The following CDCP1 variants were observed in gnomAD, a reference collection of about 807,000 sequenced individuals.
CDCP1 encodes the protein CUB domain containing protein 1.
In CDCP1, 29 loss-of-function variants were observed where a neutral mutation model predicts 60.2. The ratio of observed to expected loss-of-function variants is 0.48; its 90% CI spans 0.36 to 0.66. The LOEUF (loss-of-function observed/expected upper bound fraction) is 0.66. Ranked by LOEUF, CDCP1 falls within the 30% of genes least tolerant of loss-of-function variation. The pLI, the probability that CDCP1 is intolerant of heterozygous loss-of-function variation, is 0.00. For missense variants in CDCP1, 876 were observed against 1,074.3 expected, an observed-to-expected ratio of 0.82 and a Z score of 2.58; for synonymous variants, 387 against 431.1, an observed-to-expected ratio of 0.90 and a Z score of 1.27.
chr3:45,095,363 A>G lies in CDCP1; in HGVS notation c.1230T>C (p.Asn410=), dbSNP rs1210505642. ...LCDDLTRLWM[N]VEKTISCTDH... The stretch of plus-strand genomic sequence containing the variant: ...GGGGCGTACTTATGGTTTTTTCCAC[A>G]TTCATCCACAGACGTGTCAGATCAT... The change falls in exon 5 of 9, where the codon AAT becomes AAC. Residue 410 remains asparagine (N), a synonymous_variant. Coordinates refer to ENST00000296129, the MANE Select transcript of CDCP1 (RefSeq NM_022842.5). 3 of 1,614,156 alleles carry G rather than the reference A, an allele frequency of 1.9e-6. No individual in the cohort carries two copies. The Admixed American group carries it at 5.0e-5, about 27-fold the overall frequency.
intron 8 of CDCP1, among the ~76,000 whole-genome samples, chr3:45,086,615 G>A (rs1173385285): frequency 6.6e-6 from 1 of 152,202 alleles, no homozygotes; most frequent in Non-Finnish European, 1.5e-5. Context: ...TATGAGCTGG[G>A]GAGAGGATAA....
At chr3:45,092,830 A>G (rs114183095) in intron 6 of CDCP1, among the ~76,000 whole-genome samples, 3,209 of 152,268 alleles carry the variant, frequency 0.021, 112 homozygotes, top group African/African-American at 0.074. Flanking sequence ...CTCTGGCTCC[A>G]GAGACTCGTC....
At chr3:45,113,735 G>A (rs4683046) in intron 2 of CDCP1, among the ~76,000 whole-genome samples, 144,131 of 152,298 alleles carry the variant, frequency 0.95, 68,450 homozygotes, top group East Asian at 0.98. Flanking sequence ...TGTTTGGTCA[G>A]CCCTTTCTTG....
chr3:45,089,167 G>T, intron 7 of CDCP1, 26 bp from the exon 8 acceptor site: 1 of 1,593,674 alleles, frequency 6.3e-7, no homozygotes, highest in Non-Finnish European at 8.6e-7. Context: ...TAAAGAGACA[G>T]ATGAAGAGGC....
chr3:45,116,756 G>A (rs1324478621), intron 2 of CDCP1, among the ~76,000 whole-genome samples: 1 of 150,280 alleles, frequency 6.7e-6, no homozygotes, highest in Non-Finnish European at 1.5e-5. Context: ...GTTCTCCCCT[G>A]TCTCGGGCAT....
chr3:45,096,976 T>C (rs577382703), intron 4 of CDCP1, among the ~76,000 whole-genome samples: 1 of 152,304 alleles, frequency 6.6e-6, no homozygotes, highest in East Asian at 1.9e-4. Context: ...GCTGGATTAT[T>C]GGTCATTTAG....
intron 1 of CDCP1, among the ~76,000 whole-genome samples, chr3:45,138,206 T>A (rs1024057205): frequency 3.9e-5 from 6 of 152,250 alleles, no homozygotes; most frequent in African/African-American, 1.2e-4. Flanking sequence ...GAACATTTTT[T>A]AAAAACTTGT....
At chr3:45,136,839 C>T (rs776899845) in intron 1 of CDCP1, among the ~76,000 whole-genome samples, 3 of 152,118 alleles carry the variant, frequency 2.0e-5, no homozygotes, top group Admixed American at 1.3e-4. Flanking sequence ...GGCAAAACTA[C>T]GGTGACAGAA....
At chr3:45,111,876 AAG>A (rs1698699515) in intron 3 of CDCP1, among the ~76,000 whole-genome samples, 1 of 152,210 alleles carries the variant, frequency 6.6e-6, no homozygotes, top group Non-Finnish European at 1.5e-5. Flanking sequence ...AAAAAGGACA[AAG>A]AGAATCACCC....
intron 1 of CDCP1, 35 bp downstream of exon 1, chr3:45,146,171 C>G: frequency 6.4e-7 from 1 of 1,555,786 alleles, no homozygotes; most frequent in Non-Finnish European, 8.7e-7. Context: ...TAGCTCACCA[C>G]TCCACGCCAT....
Position 45,146,315 on chromosome 3 carries a change from G to A in CDCP1, c.-28C>T, listed in dbSNP as rs1441554435. The A allele has an allele frequency of 1.3e-6, 2 of 1,537,902 alleles. No individual in the cohort carries two copies. Among genetic ancestry groups the A allele is most frequent in the Non-Finnish European group, 1.7e-6 (2 of 1,146,128 alleles). On this transcript the variant is annotated 5_prime_UTR_variant, in exon 1 of 9. Coordinates refer to ENST00000296129, the MANE Select transcript of CDCP1 (RefSeq NM_022842.5). ...CTCCGGGACGCCTCGGCCTCGGTGG[G>A]GAAAACGACGGTGGGGAGCGGCGGC...
intron 4 of CDCP1, among the ~76,000 whole-genome samples, chr3:45,107,620 A>G (rs1369883546): frequency 6.6e-6 from 1 of 152,130 alleles, no homozygotes; most frequent in Non-Finnish European, 1.5e-5. Context: ...TGTCCTCACA[A>G]CACCCCGATG....
chr3:45,145,391 T>C (rs1699361792), intron 1 of CDCP1, among the ~76,000 whole-genome samples: 1 of 152,214 alleles, frequency 6.6e-6, no homozygotes, highest in South Asian at 2.1e-4. Context: ...TACGTTCTAA[T>C]ACATCCAGGG....
chr3:45,108,354 G>A (rs1698607713), intron 4 of CDCP1, among the ~76,000 whole-genome samples: 1 of 152,128 alleles, frequency 6.6e-6, no homozygotes, highest in South Asian at 2.1e-4. Context: ...AAGTTAGAGG[G>A]CTTGACACTG....
rs746674945 is a variant in CDCP1, at chr3:45,112,228, G to C, written c.510C>G (p.Thr170=). The change falls in exon 3 of 9, where the codon ACC becomes ACG. Residue 170 remains threonine (T), a synonymous_variant. Coordinates refer to ENST00000296129, the MANE Select transcript of CDCP1 (RefSeq NM_022842.5). ...THSISGRIDA[T]VVRIGTFCSN... ...TGCAGAAGGTTCCGATCCTGACCAC[G>C]GTGGCATCGATTCGGCCGCTGATGG... is the stretch of plus-strand genomic sequence containing the variant. 11 of 1,614,050 alleles carry C rather than the reference G, an allele frequency of 6.8e-6. No homozygotes were observed. Among genetic ancestry groups the C allele is most frequent in the Non-Finnish European group, 8.5e-6 (10 of 1,180,034 alleles).
chr3:45,129,109 T>C (rs905270188), intron 1 of CDCP1, among the ~76,000 whole-genome samples: 1 of 152,260 alleles, frequency 6.6e-6, no homozygotes, highest in African/African-American at 2.4e-5. Flanking sequence ...ATCATTTTTC[T>C]AAAGTGGTGA....
chr3:45,095,714 C>T, intron 4 of CDCP1, 146 bp from the exon 5 acceptor site: 1 of 628,554 alleles, frequency 1.6e-6, no homozygotes, highest in Non-Finnish European at 2.8e-6. Context: ...ATTATTAAGG[C>T]AACATTACAA....
chr3:45,111,474 G>A (rs1221977101), intron 3 of CDCP1, among the ~76,000 whole-genome samples: 2 of 152,116 alleles, frequency 1.3e-5, no homozygotes, highest in African/African-American at 2.4e-5. Context: ...TCAGGAGTTC[G>A]AGACCAGCCT....
At chr3:45,103,482 T>G (rs955064830) in intron 4 of CDCP1, among the ~76,000 whole-genome samples, 2 of 152,212 alleles carry the variant, frequency 1.3e-5, no homozygotes, top group Non-Finnish European at 2.9e-5. Flanking sequence ...TAGTTTCCTT[T>G]CTCTTGAGTA....
Sources: gnomAD v4.1 joint callset for allele counts (sites outside exome capture counted in the v4.1 genomes callset) on GRCh38, gnomAD v4.1.1 for gene constraint, MANE v1.5 for transcripts, NCBI Gene and HGNC (gene_info 2026-07-23, HGNC 2026-07-21) for gene names.